The following ASCC2 variants were observed in gnomAD, a reference collection of about 807,000 sequenced individuals.
ASCC2 encodes the protein ASC-1 complex subunit P100.
A neutral mutation model predicts 93.5 loss-of-function variants in ASCC2; 42 were observed. The observed-to-expected ratio is 0.45, with a 90% confidence interval of 0.35 to 0.58. The LOEUF is 0.58. ASCC2 is among the 20% of genes least tolerant of loss of function. The pLI is 0.00. For missense variants in ASCC2, 859 were observed against 977.6 expected, an observed-to-expected ratio of 0.88 and a Z score of 1.62; for synonymous variants, 364 against 384.2, an observed-to-expected ratio of 0.95 and a Z score of 0.62.
intron 8 of ASCC2, among the ~76,000 whole-genome samples, chr22:29,812,926 G>C (rs1055661533): frequency 6.6e-6 from 1 of 151,274 alleles, no homozygotes; most frequent in Non-Finnish European, 1.5e-5. Context: ...CTGTCACCCA[G>C]GGTGGAGTGC....
chr22:29,789,172 G>C lies in ASCC2; in HGVS notation c.2115C>G (p.Asp705Glu). The change falls in exon 20 of 20, where the codon GAC becomes GAG. Residue 705 changes from aspartate to glutamate, a missense_variant. By Grantham distance (45) the Asp-to-Glu change is conservative (BLOSUM62 2). Transcript: ENST00000307790. ...GGCTGCCGGCCACTGCTGTTGAGCTGTCATGCCGGTACCTGAGGGAGGAAC... is the reference window on the plus strand; with the variant it reads ...GGCTGCCGGCCACTGCTGTTGAGCTCTCATGCCGGTACCTGAGGGAGGAAC... Reference protein sequence around the residue: ...AFLAKKGYRHDSSTAVAGSPR... With the variant: ...AFLAKKGYRHESSTAVAGSPR... 6.2e-7 allele frequency: 1 copy of C among 1,614,140 alleles called. No individual in the cohort carries two copies. The highest frequency in any genetic ancestry group is 1.1e-5 in the South Asian group (1 of 91,086).
intron 5 of ASCC2, among the ~76,000 whole-genome samples, chr22:29,819,576 G>A (rs1034121229): frequency 6.6e-6 from 1 of 152,114 alleles, no homozygotes; most frequent in Non-Finnish European, 1.5e-5. Flanking sequence ...TTGGTTAAGG[G>A]GACACAGCCA....
chr22:29,818,411 C>CT (rs1201679381), intron 5 of ASCC2, among the ~76,000 whole-genome samples: 19 of 8,040 alleles, frequency 2.4e-3, no homozygotes, highest in Non-Finnish European at 5.3e-3. Flanking sequence ...CCTACACACA[C>CT]ACACACACAC....
intron 8 of ASCC2, among the ~76,000 whole-genome samples, chr22:29,808,809 CAAAAAA>C (rs564026837): frequency 9.6e-6 from 1 of 104,600 alleles, no homozygotes; most frequent in South Asian, 3.0e-4. Flanking sequence ...GACCCTATCT[CAAAAAA>C]AAAAAAAAAA....
rs1431671260 is a variant in ASCC2, at chr22:29,816,023, G to T, written c.592C>A (p.Leu198Met). 2.5e-6 allele frequency: 4 copies of T among 1,596,830 alleles called. No individual in the cohort carries two copies. In the African/African-American group the frequency reaches 4.0e-5, roughly 16 times the overall value. ...GCTGGTACCTGAAGGATGGTAGGCAGGGTTTCATCCAGGTCACTGTAGTAA... is the reference window on the plus strand; with the variant it reads ...GCTGGTACCTGAAGGATGGTAGGCATGGTTTCATCCAGGTCACTGTAGTAA... ...PSYYSDLDET[L>M]PTILQVFSNI... Residue 198 changes from leucine to methionine, a missense_variant, in exon 6 of 20, where the codon CTG (leucine) becomes ATG (methionine). Transcript: ENST00000307790.
intron 1 of ASCC2, chr22:29,833,741 G>T: frequency 2.5e-6 from 1 of 396,388 alleles, no homozygotes; most frequent in Non-Finnish European, 5.1e-6. Flanking sequence ...CAGAGGCTGG[G>T]GTGATTAAAC....
At position 29,790,459 on chromosome 22, in the gene ASCC2, G is replaced by T; in HGVS notation, c.2102+10C>A. ...GGGGTCCCCCCAGAAGCAGCCCCTT[G>T]AATGCTCACCCTTTCTTGGCGAGAA... On this transcript the variant is annotated intron_variant, in intron 19 of 19. Transcript: ENST00000307790. The T allele has an allele frequency of 6.2e-7, 1 of 1,614,044 alleles. No homozygotes were observed. Among genetic ancestry groups the T allele is most frequent in the South Asian group, 1.1e-5 (1 of 91,068 alleles).
intron 1 of ASCC2, among the ~76,000 whole-genome samples, chr22:29,835,990 C>CA (rs994390663): frequency 6.6e-6 from 1 of 152,072 alleles, no homozygotes; most frequent in African/African-American, 2.4e-5. Context: ...AACAAAGGCT[C>CA]AGAGTCTTAA....
At chr22:29,808,252 A>C in intron 8 of ASCC2, 67 bp from the exon 9 acceptor site, 3 of 1,511,700 alleles carry the variant, frequency 2.0e-6, no homozygotes, top group Non-Finnish European at 1.8e-6. Flanking sequence ...AAGAACATCA[A>C]AGCAAACCCC....
At chr22:29,821,186 G>C (rs1172810516) in intron 5 of ASCC2, among the ~76,000 whole-genome samples, 2 of 152,104 alleles carry the variant, frequency 1.3e-5, no homozygotes, top group African/African-American at 2.4e-5. Flanking sequence ...TGCGTATAAA[G>C]AGGAACCTCT....
intron 15 of ASCC2, among the ~76,000 whole-genome samples, chr22:29,796,478 G>A (rs1426496340): frequency 6.6e-6 from 1 of 152,132 alleles, no homozygotes; most frequent in East Asian, 1.9e-4. Flanking sequence ...CTTGGTTCAG[G>A]AGGTCTGGCT....
chr22:29,827,031 G>A (rs1197492586), intron 2 of ASCC2, among the ~76,000 whole-genome samples: 1 of 143,876 alleles, frequency 7.0e-6, no homozygotes, highest in Non-Finnish European at 1.5e-5. Flanking sequence ...CCGGGAGGCA[G>A]AGCTTGCAGT....
intron 4 of ASCC2, among the ~76,000 whole-genome samples, chr22:29,823,180 A>G (rs1325054023): frequency 1.3e-5 from 2 of 152,064 alleles, no homozygotes; most frequent in African/African-American, 4.8e-5. Flanking sequence ...CTGGGATTAC[A>G]GGAGCTCGCC....
At chr22:29,813,602 G>T in intron 7 of ASCC2, 60 bp from the exon 8 acceptor site, 1 of 1,137,198 alleles carries the variant, frequency 8.8e-7, no homozygotes, top group Non-Finnish European at 1.3e-6. Flanking sequence ...GATCTGCAGA[G>T]CACCTGAGAC....
intron 15 of ASCC2, among the ~76,000 whole-genome samples, chr22:29,800,132 G>A (rs543759223): frequency 1.2e-3 from 176 of 152,286 alleles, no homozygotes; most frequent in African/African-American, 4.2e-3. Context: ...CGGTTCATGG[G>A]ACCCTTTGCT....
intron 9 of ASCC2, among the ~76,000 whole-genome samples, chr22:29,807,754 C>CA (rs2059841928): frequency 1.3e-5 from 2 of 151,922 alleles, no homozygotes; most frequent in South Asian, 2.1e-4. Flanking sequence ...ACAAAAAATA[C>CA]AAAAATTAGC....
chr22:29,802,166 C>G lies in ASCC2; in HGVS notation c.1396G>C (p.Val466Leu), dbSNP rs1256027548. 1 of 1,614,228 alleles carries G rather than the reference C, an allele frequency of 6.2e-7. No individual in the cohort carries two copies. The highest frequency in any genetic ancestry group is 1.7e-5 in the Admixed American group (1 of 60,036). ...TGGGAGATGAGAGAGTCCAGTTCCA[C>G]CCCACACATGGCAGGGCCCACAGCC... ...AAAVGPAMCG[V>L]ELDSLISQVK... is the part of the protein sequence containing the mutation. The change falls in exon 14 of 20, where the codon GTG (valine) becomes CTG (leucine). Residue 466 changes from valine (V) to leucine (L), a missense_variant. Val to Leu is a conservative substitution (Grantham distance 32). Transcript: ENST00000307790.
chr22:29,838,024 G>C (rs949233969), intron 1 of ASCC2, among the ~76,000 whole-genome samples, 154 bp downstream of exon 1: 6 of 152,254 alleles, frequency 3.9e-5, no homozygotes, highest in African/African-American at 1.4e-4. Flanking sequence ...TGGCGGCCAA[G>C]TCTCGAGAGG....
Position 29,825,255 on chromosome 22 carries a change from C to A in ASCC2, c.243G>T (p.Val81=). 1 of 1,510,998 alleles carries A rather than the reference C, an allele frequency of 6.6e-7. No homozygotes were observed. The highest frequency in any genetic ancestry group is 8.8e-7 in the Non-Finnish European group (1 of 1,130,536). 93.6% of individuals were successfully genotyped at this position (1,510,998 alleles called of 1,614,324 possible). The stretch of plus-strand genomic sequence containing the variant: ...ACTTCTGTAGAGTCTCGTCAAAGAT[C>A]ACCTAAACCAGGAGACAGAGGAGAG... The part of the protein sequence containing the change: ...ALPHDKFWCQ[V]IFDETLQKCL... Residue 81 remains valine (V), a splice_region_variant and synonymous_variant, in exon 4 of 20, where the codon GTG becomes GTT. Coordinates refer to ENST00000307790, the MANE Select transcript of ASCC2 (RefSeq NM_032204.5). The surrounding 1 kb of genome is among the most constrained non-coding windows in gnomAD (Gnocchi z 4.9).
Sources: allele counts gnomAD v4.1 joint callset (sites outside exome capture counted in the v4.1 genomes callset), GRCh38; gene constraint gnomAD v4.1.1; non-coding constraint Gnocchi (gnomAD v3.1); transcripts MANE v1.5; gene names NCBI Gene and HGNC (gene_info 2026-07-23, HGNC 2026-07-21).